Variants in SETDB2 observed in about 807,000 individuals in gnomAD.
SETDB2 encodes SET domain bifurcated histone lysine methyltransferase 2.
In SETDB2, 56 loss-of-function variants were observed where a neutral mutation model predicts 82.5. That is an observed-to-expected ratio of 0.68 (90% CI 0.55 to 0.85). SETDB2 has a LOEUF of 0.85. Ranked by LOEUF, SETDB2 falls within the 40% of genes least tolerant of loss-of-function variation. The probability of loss-of-function intolerance (pLI) is 0.00; values close to 1 mark genes in which losing one functional copy is unlikely to be tolerated. For synonymous variants in SETDB2, 272 were observed against 284.9 expected (o/e 0.95, Z 0.46); for missense variants, 677 against 816.4 (o/e 0.83, Z 2.08).
chr13:49,476,198 A>T (rs372333689), intron 5 of SETDB2, among the ~76,000 whole-genome samples: 24 of 152,288 alleles, frequency 1.6e-4, no homozygotes, highest in East Asian at 7.7e-4. Context: ...AGGCAGGAGG[A>T]TCACTTGGGG....
intron 8 of SETDB2, among the ~76,000 whole-genome samples, chr13:49,481,397 A>C (rs1378007836): frequency 6.6e-6 from 1 of 152,204 alleles, no homozygotes. Flanking sequence ...CTGCATGGCT[A>C]CAGGTACTTT....
chr13:49,493,159 G>C lies in SETDB2; in HGVS notation c.*1310G>C, dbSNP rs1958744657. 6.6e-6 allele frequency: 1 copy of C among 152,050 alleles called. No homozygotes were observed. The allele number at this position is 152,050 out of a possible 1,614,324, so 9.4% of individuals were successfully genotyped here. A position where few individuals can be genotyped will look rare whatever the true frequency, so the allele number is the denominator to read the frequency against. ...GGGACTGGGAAGCCCAAGCAGACTGGGAAACCAGACAGCTAGGAAAAGGAG... is the reference window on the plus strand; with the variant it reads ...GGGACTGGGAAGCCCAAGCAGACTGCGAAACCAGACAGCTAGGAAAAGGAG... On this transcript the variant is annotated 3_prime_UTR_variant, in exon 14 of 14. Transcript: ENST00000611815.
intron 4 of SETDB2, among the ~76,000 whole-genome samples, chr13:49,465,122 G>A (rs1006522892): frequency 6.6e-6 from 1 of 151,984 alleles, no homozygotes; most frequent in African/African-American, 2.4e-5. Context: ...AAGAAGGTTG[G>A]GAATGAGAGA....
rs758219260 is a variant in SETDB2, at chr13:49,451,901, A to G, written c.8A>G (p.Glu3Gly). MG[E>G]KNGDAKTFWM... is the part of the protein sequence containing the mutation. ...TATAAGCGACATCAAAAGATGGGAGAAAAAAATGGTAGGTTGAAGAACACA... is the reference window on the plus strand; with the variant it reads ...TATAAGCGACATCAAAAGATGGGAGGAAAAAATGGTAGGTTGAAGAACACA... Residue 3 changes from glutamate to glycine, a missense_variant, in exon 2 of 14, where the codon GAA becomes GGA. Glu to Gly is a moderately conservative substitution (Grantham distance 98, BLOSUM62 -2). Coordinates refer to ENST00000611815, the MANE Select transcript of SETDB2 (RefSeq NM_001160308.3). 4.4e-6 allele frequency: 7 copies of G among 1,593,408 alleles called. No homozygotes were observed. The highest frequency in any genetic ancestry group is 1.7e-5 in the Admixed American group (1 of 58,352).
intron 8 of SETDB2, chr13:49,482,166 T>C (rs1958492909): frequency 4.1e-6 from 4 of 985,476 alleles, no homozygotes; most frequent in Non-Finnish European, 4.8e-6. Flanking sequence ...CTGGAAAATG[T>C]AACTAAGATA....
intron 1 of SETDB2, among the ~76,000 whole-genome samples, chr13:49,448,111 A>G (rs1957726485): frequency 6.6e-6 from 1 of 152,286 alleles, no homozygotes; most frequent in African/African-American, 2.4e-5. Flanking sequence ...AAAGTTTTGT[A>G]CAATTCATCT....
At chr13:49,446,231 A>G (rs1957683419) in intron 1 of SETDB2, among the ~76,000 whole-genome samples, 1 of 152,232 alleles carries the variant, frequency 6.6e-6, no homozygotes, top group Non-Finnish European at 1.5e-5. Flanking sequence ...ATTCTTTTAC[A>G]GAATTGGTAC....
At chr13:49,489,949 T>C (rs73188685) in intron 12 of SETDB2, among the ~76,000 whole-genome samples, 9,743 of 124,902 alleles carry the variant, frequency 0.078, 835 homozygotes, top group African/African-American at 0.21. Flanking sequence ...TAGCATATTA[T>C]ATTCACTGTT....
At chr13:49,446,537 G>A in intron 1 of SETDB2, 1 of 352,880 alleles carries the variant, frequency 2.8e-6, no homozygotes, top group Non-Finnish European at 5.5e-6. Context: ...TAATTTTTTA[G>A]TGGAAAAATA....
In SETDB2 at chr13:49,482,743, T is replaced by A. The variant is rs1223847321; in HGVS notation, c.1163T>A (p.Leu388Ter). 1 of 1,604,198 alleles carries A rather than the reference T, an allele frequency of 6.2e-7. No individual in the cohort carries two copies. The highest frequency in any genetic ancestry group is 8.5e-7 in the Non-Finnish European group (1 of 1,173,006). The change falls in exon 9 of 14, where the codon TTA (leucine) becomes TAA (stop). Residue 388 changes from leucine to a stop codon, truncating the protein, a stop_gained. Transcript: ENST00000611815. LOFTEE classifies it high-confidence loss of function. Reference protein sequence around the residue: ...GTFVCIYSGRLLSRANTEKSY... With the variant: ...GTFVCIYSGR ...TTTAACATTTTCCTTTTAGGAAGAT[T>A]ACTAAGCAGAGCTAACACTGAAAAA...
chr13:49,459,903 C>A, intron 2 of SETDB2: 1 of 434,306 alleles, frequency 2.3e-6, no homozygotes, highest in East Asian at 4.2e-5. Context: ...TAAAAATTAA[C>A]AGAAATGGGT....
At chr13:49,488,945 G>A in intron 12 of SETDB2, 1 of 190,878 alleles carries the variant, frequency 5.2e-6, no homozygotes, top group Non-Finnish European at 1.1e-5. Flanking sequence ...TATAAGAAAA[G>A]TATTTAAATA....
intron 1 of SETDB2, among the ~76,000 whole-genome samples, chr13:49,448,240 G>T (rs564776823): frequency 6.6e-6 from 1 of 152,072 alleles, no homozygotes; most frequent in Non-Finnish European, 1.5e-5. Flanking sequence ...CTAGAAAATT[G>T]TTCAGTTCGT....
At position 49,451,779 on chromosome 13, in the gene SETDB2, C is replaced by G; in HGVS notation, c.-115C>G. 1 of 682,638 alleles carries G rather than the reference C, an allele frequency of 1.5e-6. No individual in the cohort carries two copies. Among genetic ancestry groups the G allele is most frequent in the Admixed American group, 3.0e-5 (1 of 33,288 alleles). 42.3% of individuals were successfully genotyped at this position (682,638 alleles called of 1,614,324 possible). A position where few individuals can be genotyped will look rare whatever the true frequency, so the allele number is the denominator to read the frequency against. ...AGAATGGTATAATGATGTATTTTGT[C>G]TGAGGACTGCAAATTTTATAGAGAC... On this transcript the variant is annotated 5_prime_UTR_variant, in exon 2 of 14. Transcript: ENST00000611815.
chr13:49,488,613 G>A lies in SETDB2; in HGVS notation c.1900G>A (p.Val634Ile). ...FLLDATKEGN[V>I]GRFLNHSCCP... ...ATTGGATGCCACAAAAGAAGGAAAT[G>A]TCGGCCGCTTCCTTAATGTGAGTAT... is the stretch of plus-strand genomic sequence containing the variant. Residue 634 changes from valine (V) to isoleucine (I), a missense_variant, in exon 12 of 14, where the codon GTC becomes ATC. By Grantham distance (29) the Val-to-Ile change is conservative (BLOSUM62 3). Transcript: ENST00000611815. 2 of 1,596,120 alleles carry A rather than the reference G, an allele frequency of 1.3e-6. No homozygotes were observed.
chr13:49,478,725 G>A (rs927720248), intron 6 of SETDB2, among the ~76,000 whole-genome samples: 9 of 152,178 alleles, frequency 5.9e-5, no homozygotes, highest in East Asian at 1.9e-4. Context: ...CCAGGAGTTC[G>A]AGACCAGCCT....
chr13:49,474,933 C>T (rs1958324952), intron 5 of SETDB2, among the ~76,000 whole-genome samples: 2 of 152,214 alleles, frequency 1.3e-5, no homozygotes, highest in Admixed American at 1.3e-4. Flanking sequence ...TATCGGACAG[C>T]ACAGGTATAG....
intron 4 of SETDB2, among the ~76,000 whole-genome samples, chr13:49,466,346 G>A (rs946014545): frequency 4.0e-5 from 6 of 151,892 alleles, no homozygotes; most frequent in African/African-American, 7.3e-5. Flanking sequence ...GAAGTGGAAG[G>A]GTAGCTTGAG....
chr13:49,475,046 A>G (rs1438761709), intron 5 of SETDB2, among the ~76,000 whole-genome samples: 2 of 152,160 alleles, frequency 1.3e-5, no homozygotes, highest in Non-Finnish European at 2.9e-5. Context: ...AGACCAGGCA[A>G]TTTACAAAAG....
Sources: allele counts gnomAD v4.1 joint callset (sites outside exome capture counted in the v4.1 genomes callset), GRCh38; gene constraint gnomAD v4.1.1; transcripts MANE v1.5; gene names NCBI Gene and HGNC (gene_info 2026-07-23, HGNC 2026-07-21).